Variants in PCLO observed in about 807,000 individuals in gnomAD.
PCLO encodes the protein protein piccolo.
In PCLO, 82 loss-of-function variants were observed where a neutral mutation model predicts 427.5. That is an observed-to-expected ratio of 0.19 (90% CI 0.16 to 0.23). PCLO has a LOEUF of 0.23. PCLO is among the 10% of genes least tolerant of loss of function. The probability of loss-of-function intolerance (pLI) is 1.00; values close to 1 mark genes in which losing one functional copy is unlikely to be tolerated. For synonymous variants in PCLO, 2,357 were observed against 2,155.4 expected, an observed-to-expected ratio of 1.09 and a Z score of -2.59; for missense variants, 6,239 against 6,115.9, an observed-to-expected ratio of 1.02 and a Z score of -0.67.
intron 4 of PCLO, among the ~76,000 whole-genome samples, chr7:82,963,819 A>G (rs1795706220): frequency 6.6e-6 from 1 of 152,078 alleles, no homozygotes; most frequent in Non-Finnish European, 1.5e-5. Flanking sequence ...ATGTTTTATA[A>G]GGTAAATATT....
At chr7:83,038,290 T>C (rs1023604155) in intron 3 of PCLO, among the ~76,000 whole-genome samples, 3 of 150,398 alleles carry the variant, frequency 2.0e-5, no homozygotes, top group African/African-American at 4.9e-5. Context: ...CACAGACATG[T>C]GCAACCATCA....
intron 3 of PCLO, among the ~76,000 whole-genome samples, chr7:83,096,223 T>C (rs1052083249): frequency 7.9e-5 from 12 of 151,960 alleles, no homozygotes; most frequent in Non-Finnish European, 1.6e-4. Context: ...CATTTCCATT[T>C]CTGCTGATGA....
Position 82,991,963 on chromosome 7 carries a change from C to G in PCLO, c.3301-25476G>C, listed in dbSNP as rs568071559. 5.9e-5 allele frequency among the ~76,000 whole-genome samples: 9 copies of G among 152,152 alleles called. No individual in the cohort carries two copies. In the South Asian group the frequency reaches 1.9e-3, roughly 32 times the overall value. On this transcript the variant is annotated intron_variant, in intron 3 of 24. Transcript: ENST00000333891. ...ATTACATGACAATCTATTAGTGGCTCAAGAGACATACCACTGTGAGTTTCA... is the reference window on the plus strand; with the variant it reads ...ATTACATGACAATCTATTAGTGGCTGAAGAGACATACCACTGTGAGTTTCA...
intron 3 of PCLO, among the ~76,000 whole-genome samples, chr7:83,045,199 T>C (rs1427693647): frequency 6.6e-6 from 1 of 152,204 alleles, no homozygotes; most frequent in Non-Finnish European, 1.5e-5. Flanking sequence ...TTACAGTGTC[T>C]ACTTTCTTTT....
In PCLO at chr7:82,901,131, C is replaced by T. The variant is rs555591339; in HGVS notation, c.13528+1520G>A. Among the ~76,000 whole-genome samples the T allele has an allele frequency of 3.9e-5, 6 of 151,910 alleles. No homozygotes were observed. The South Asian group carries it at 1.2e-3, about 32-fold the overall frequency. On this transcript the variant is annotated intron_variant, in intron 9 of 24. Transcript: ENST00000333891. ...CATTGTAATACCATGTGCATTAAAA[C>T]ATATGATTAATGAAAAGAATGATGC... is the stretch of plus-strand genomic sequence containing the variant.
chr7:82,824,253 A>G lies in PCLO; in HGVS notation c.14579T>C (p.Phe4860Ser). The G allele has an allele frequency of 3.1e-6, 5 of 1,612,470 alleles. No individual in the cohort carries two copies. Among genetic ancestry groups the G allele is most frequent in the Non-Finnish European group, 4.2e-6 (5 of 1,179,100 alleles). Residue 4860 changes from phenylalanine to serine, a missense_variant, in exon 19 of 25, where the codon TTC (phenylalanine) becomes TCC (serine). Transcript: ENST00000333891. ...TTTCCTACCCTTTGATGGGTCAGGGAAGATACCATGGCTTCTGCTTTTGAT... is the reference window on the plus strand; with the variant it reads ...TTTCCTACCCTTTGATGGGTCAGGGGAGATACCATGGCTTCTGCTTTTGAT... ...SVIKSRSHGI[F>S]PDPSKDMQVP... is the part of the protein sequence containing the mutation.
intron 3 of PCLO, among the ~76,000 whole-genome samples, chr7:83,044,398 C>G (rs1021471009): frequency 6.6e-6 from 1 of 152,118 alleles, no homozygotes; most frequent in Non-Finnish European, 1.5e-5. Flanking sequence ...AACTAATAAA[C>G]AAATCTGAGC....
rs1347838622 is a variant in PCLO, at chr7:82,955,814, C to T, written c.5139G>A (p.Arg1713=). ...SLTDSPEDRS[R]GEGSSSLHAS... ...CATGCAGACTCGAAGATCCCTCTCCCCTTGACCTATCTTCAGGTGAGTCTG... is the reference window on the plus strand; with the variant it reads ...CATGCAGACTCGAAGATCCCTCTCCTCTTGACCTATCTTCAGGTGAGTCTG... Residue 1713 remains arginine (R), a synonymous_variant, in exon 5 of 25, where the codon AGG becomes AGA. Coordinates refer to ENST00000333891, the MANE Select transcript of PCLO (RefSeq NM_033026.6). The T allele has an allele frequency of 1.9e-6, 3 of 1,613,864 alleles. No homozygotes were observed. The highest frequency in any genetic ancestry group is 2.7e-5 in the African/African-American group (2 of 74,944).
chr7:82,879,976 C>T (rs1793464525), intron 9 of PCLO: 3 of 340,518 alleles, frequency 8.8e-6, no homozygotes, highest in East Asian at 8.5e-5. Context: ...GTGTATTAAC[C>T]TGACACTTTC....
chr7:82,988,897 C>T (rs1313820906), intron 3 of PCLO, among the ~76,000 whole-genome samples: 5 of 150,982 alleles, frequency 3.3e-5, no homozygotes, highest in African/African-American at 1.2e-4. Flanking sequence ...TGCAGTGGCG[C>T]GATCTCGGCT....
chr7:82,990,366 A>G (rs17518), intron 3 of PCLO, among the ~76,000 whole-genome samples: 112,858 of 152,038 alleles, frequency 0.74, 42,284 homozygotes, highest in East Asian at 0.92. Context: ...GGATTTTTCA[A>G]TATTTATCTT....
chr7:83,131,367 C>G (rs1478753618), intron 3 of PCLO, among the ~76,000 whole-genome samples: 2 of 152,018 alleles, frequency 1.3e-5, no homozygotes, highest in Non-Finnish European at 2.9e-5. Flanking sequence ...ATGTATGAGA[C>G]AGGAAACAAC....
chr7:82,963,019 C>T (rs1288100746), intron 4 of PCLO, among the ~76,000 whole-genome samples: 1 of 151,896 alleles, frequency 6.6e-6, no homozygotes, highest in Admixed American at 6.6e-5. Flanking sequence ...TAGAGGATTG[C>T]AAGTGTTTTT....
chr7:82,953,906 G>A lies in PCLO; in HGVS notation c.7047C>T (p.Ala2349=). The A allele has an allele frequency of 6.2e-7, 1 of 1,613,804 alleles. No individual in the cohort carries two copies. Among genetic ancestry groups the A allele is most frequent in the South Asian group, 1.1e-5 (1 of 91,072 alleles). ...TTGAAAGCTGCTCTTTCATTGGAAG[G>A]GCTATTACAGAAGAAGGTGGGTGAT... ...VFDHPPSSVI[A]LPMKEQLSTT... The change falls in exon 5 of 25, where the codon GCC becomes GCT. Residue 2349 remains alanine, a synonymous_variant. Transcript: ENST00000333891.
chr7:83,043,109 C>A (rs2116220109), intron 3 of PCLO, among the ~76,000 whole-genome samples: 1 of 152,266 alleles, frequency 6.6e-6, no homozygotes, highest in South Asian at 2.1e-4. Flanking sequence ...ATCCTAGTAG[C>A]ATCCCTTCCC....
chr7:83,112,371 A>G (rs1791027038), intron 3 of PCLO, among the ~76,000 whole-genome samples: 1 of 152,098 alleles, frequency 6.6e-6, no homozygotes, highest in African/African-American at 2.4e-5. Flanking sequence ...GTATTTTTTT[A>G]AGAACGGGAA....
chr7:83,052,958 T>A (rs1219207201), intron 3 of PCLO, among the ~76,000 whole-genome samples: 1 of 152,028 alleles, frequency 6.6e-6, no homozygotes, highest in Admixed American at 6.6e-5. Flanking sequence ...TCCTCTACAC[T>A]GCTGTCTGAA....
Position 83,155,080 on chromosome 7 carries a change from G to T in PCLO, c.1561C>A (p.Pro521Thr), listed in dbSNP as rs375050419. 9.0e-5 allele frequency: 144 copies of T among 1,604,564 alleles called. No individual in the cohort carries two copies. The highest frequency in any genetic ancestry group is 1.2e-4 in the Non-Finnish European group (140 of 1,176,178). The stretch of plus-strand genomic sequence containing the variant: ...GGTTTTGTTGAGCCAGGCTGTTGAG[G>T]TGAGGGCTTTGCTGGGCCAGGCTGT... ...PQQPGPAKPS[P>T]QQPGSTKPPS... The change falls in exon 2 of 25, where the codon CCT becomes ACT. Residue 521 changes from proline to threonine, a missense_variant. By Grantham distance (38) the Pro-to-Thr change is conservative. Around this residue, in one of 5 missense-constraint regions of PCLO, gnomAD observed 4,677 missense variants for 4,468.4 expected, o/e 1.05. Coordinates refer to ENST00000333891, the MANE Select transcript of PCLO (RefSeq NM_033026.6).
At chr7:82,886,542 T>C (rs999330325) in intron 9 of PCLO, among the ~76,000 whole-genome samples, 1 of 152,128 alleles carries the variant, frequency 6.6e-6, no homozygotes, top group Admixed American at 6.5e-5. Flanking sequence ...TGCTGAGTCA[T>C]TTTAGGTATA....
Sources: allele counts gnomAD v4.1 joint callset (sites outside exome capture counted in the v4.1 genomes callset), GRCh38; gene constraint gnomAD v4.1.1; regional missense constraint gnomAD v4.1.1; transcripts MANE v1.5; gene names NCBI Gene and HGNC (gene_info 2026-07-23, HGNC 2026-07-21).